CACNG3: variants seen among roughly 807,000 people sequenced by gnomAD.
CACNG3 encodes the protein calcium voltage-gated channel auxiliary subunit gamma 3.
A neutral mutation model predicts 28.5 loss-of-function variants in CACNG3; 3 were observed. That is an observed-to-expected ratio of 0.11 (90% CI 0.05 to 0.27). The LOEUF (loss-of-function observed/expected upper bound fraction) is 0.27, where lower values mean the gene tolerates loss of function less well. Among genes scored for constraint, CACNG3 ranks in the 10% least tolerant of loss-of-function variants. The pLI, the probability that CACNG3 is intolerant of heterozygous loss-of-function variation, is 1.00. For synonymous variants in CACNG3, 174 were observed against 162.2 expected (o/e 1.07, Z -0.55); for missense variants, 236 against 414.4 (o/e 0.57, Z 3.74).
chr16:24,348,082 C>G (rs1899893589), intron 2 of CACNG3, among the ~76,000 whole-genome samples: 1 of 152,110 alleles, frequency 6.6e-6, no homozygotes, highest in South Asian at 2.1e-4. Flanking sequence ...ATTTCTTCAG[C>G]AAGAATTTGT....
At chr16:24,316,006 C>A (rs1301463379) in intron 1 of CACNG3, among the ~76,000 whole-genome samples, 1 of 152,096 alleles carries the variant, frequency 6.6e-6, no homozygotes, top group Non-Finnish European at 1.5e-5. Flanking sequence ...ATGTGCCAGG[C>A]AGCATGCCAG....
intron 1 of CACNG3, among the ~76,000 whole-genome samples, chr16:24,264,776 G>A (rs764629070): frequency 9.9e-5 from 15 of 152,222 alleles, no homozygotes; most frequent in Non-Finnish European, 2.1e-4. Flanking sequence ...ACAACCAAAA[G>A]TGACTGGGAA....
At chr16:24,279,732 T>A (rs991911) in intron 1 of CACNG3, among the ~76,000 whole-genome samples, 60,088 of 152,058 alleles carry the variant, frequency 0.4, 11,980 homozygotes, top group South Asian at 0.56. Context: ...GGAATCAACT[T>A]AATTTCCTGA....
At chr16:24,303,548 C>G (rs72781844) in intron 1 of CACNG3, among the ~76,000 whole-genome samples, 4 of 152,048 alleles carry the variant, frequency 2.6e-5, no homozygotes, top group Middle Eastern at 3.4e-3. Context: ...TCCCACCCCC[C>G]ACCACCTCTC....
intron 1 of CACNG3, among the ~76,000 whole-genome samples, chr16:24,330,707 T>C (rs1039924812): frequency 6.6e-6 from 1 of 152,160 alleles, no homozygotes; most frequent in Non-Finnish European, 1.5e-5. Context: ...TGTCACCAGT[T>C]AAAAAGCAGC....
At chr16:24,273,858 T>C (rs1284013792) in intron 1 of CACNG3, among the ~76,000 whole-genome samples, 1 of 152,134 alleles carries the variant, frequency 6.6e-6, no homozygotes, top group Non-Finnish European at 1.5e-5. Context: ...TTTTAACAGA[T>C]CATTTAAGAG....
chr16:24,275,214 T>A (rs964780576), intron 1 of CACNG3, among the ~76,000 whole-genome samples: 1 of 152,080 alleles, frequency 6.6e-6, no homozygotes, highest in Non-Finnish European at 1.5e-5. Flanking sequence ...AAGATATGAT[T>A]TGCTTTTTTC....
rs117009167 is a variant in CACNG3 at position 24,259,799 on chromosome 16, G to T, written c.211+2834G>T. On this transcript the variant is annotated intron_variant, in intron 1 of 3. Transcript: ENST00000005284. The stretch of plus-strand genomic sequence containing the variant: ...GGAATGGGAAGCTTTGGCAGGTGAT[G>T]GGTCTTCCAACACCAAAAATATTCA... Among the ~76,000 whole-genome samples the T allele has an allele frequency of 5.9e-3, 896 of 152,230 alleles. 4 individuals are homozygous for T. Among genetic ancestry groups the T allele is most frequent in the Middle Eastern group, 0.01 (3 of 294 alleles).
chr16:24,258,068 A>T (rs761245171), intron 1 of CACNG3, among the ~76,000 whole-genome samples: 11 of 152,164 alleles, frequency 7.2e-5, no homozygotes, highest in Non-Finnish European at 1.6e-4. Context: ...GTGGTGGGCA[A>T]GGAAATCTGC....
rs145794831 is a variant in CACNG3 at position 24,311,553 on chromosome 16, A to G, written c.212-35181A>G. Among the ~76,000 whole-genome samples, 1,050 of 149,868 alleles carry G rather than the reference A, an allele frequency of 7.0e-3. 20 individuals are homozygous for G. Among genetic ancestry groups the G allele is most frequent in the African/African-American group, 0.025 (1,001 of 40,502 alleles). ...AGTACATTCTAAAAGCTTTTACAGTATGTGATAAAGAAATTAAATGGGCCT... is the reference window on the plus strand; with the variant it reads ...AGTACATTCTAAAAGCTTTTACAGTGTGTGATAAAGAAATTAAATGGGCCT... On this transcript the variant is annotated intron_variant, in intron 1 of 3. Transcript: ENST00000005284.
At chr16:24,295,051 C>A (rs1899013446) in intron 1 of CACNG3, among the ~76,000 whole-genome samples, 1 of 152,134 alleles carries the variant, frequency 6.6e-6, no homozygotes, top group South Asian at 2.1e-4. Flanking sequence ...GCAGTGTGTG[C>A]TTTTAAAGGA....
intron 1 of CACNG3, among the ~76,000 whole-genome samples, chr16:24,268,050 G>A (rs1218194212): frequency 2.0e-5 from 3 of 152,044 alleles, no homozygotes; most frequent in Admixed American, 1.3e-4. Context: ...TTCTAAGGAT[G>A]CACTTTACAA....
chr16:24,298,075 G>T (rs1899056669), intron 1 of CACNG3, among the ~76,000 whole-genome samples: 1 of 151,272 alleles, frequency 6.6e-6, no homozygotes, highest in Admixed American at 6.6e-5. Flanking sequence ...AGAAAATTTA[G>T]AAAATTAAAA....
chr16:24,358,184 A>G (rs1363188974), intron 3 of CACNG3, among the ~76,000 whole-genome samples: 1 of 147,078 alleles, frequency 6.8e-6, no homozygotes, highest in Non-Finnish European at 1.5e-5. Flanking sequence ...TGCTGGGGGG[A>G]AAAAAGAGAA....
In CACNG3 at chr16:24,260,298, TA is replaced by T. The variant is rs553566573; in HGVS notation, c.211+3339del. Among the ~76,000 whole-genome samples the T allele has an allele frequency of 3.9e-3, 593 of 152,282 alleles. 4 individuals are homozygous for T. Among genetic ancestry groups the T allele is most frequent in the Middle Eastern group, 0.017 (5 of 292 alleles). ...AGTCAATAATCACTTTTTCAACCCT[TA>T]AAAAATACCTAGGAAAAAATAAGCT... On this transcript the variant is annotated intron_variant, in intron 1 of 3. Transcript: ENST00000005284.
chr16:24,330,722 A>T (rs1243495695), intron 1 of CACNG3, among the ~76,000 whole-genome samples: 2 of 152,070 alleles, frequency 1.3e-5, no homozygotes, highest in African/African-American at 4.8e-5. Context: ...AGCAGCTAAG[A>T]CCCAGGACAC....
intron 1 of CACNG3, among the ~76,000 whole-genome samples, chr16:24,334,580 C>T (rs1899676412): frequency 6.6e-6 from 1 of 152,220 alleles, no homozygotes; most frequent in South Asian, 2.1e-4. Flanking sequence ...GGAAACCTGT[C>T]TCCACTCCCC....
At chr16:24,332,121 C>T (rs1306006353) in intron 1 of CACNG3, among the ~76,000 whole-genome samples, 1 of 152,146 alleles carries the variant, frequency 6.6e-6, no homozygotes, top group Non-Finnish European at 1.5e-5. Flanking sequence ...GGAAACAGTG[C>T]TTAACACAAG....
At chr16:24,312,666 T>A (rs1476437327) in intron 1 of CACNG3, among the ~76,000 whole-genome samples, 1 of 151,636 alleles carries the variant, frequency 6.6e-6, no homozygotes, top group Non-Finnish European at 1.5e-5. Flanking sequence ...ATTTTTTTTT[T>A]AATTAGCCAG....
Sources: gnomAD v4.1 joint callset for allele counts (sites outside exome capture counted in the v4.1 genomes callset) on GRCh38, gnomAD v4.1.1 for gene constraint, MANE v1.5 for transcripts, NCBI Gene and HGNC (gene_info 2026-07-23, HGNC 2026-07-21) for gene names.